Variants in PACRG observed in about 807,000 individuals in gnomAD.
PACRG encodes the protein parkin coregulated, also known as parkin coregulated gene protein.
PACRG carries 29 observed loss-of-function variants against 29.7 expected under a neutral mutation model. The ratio of observed to expected loss-of-function variants is 0.98; its 90% CI spans 0.73 to 1.33. The LOEUF (loss-of-function observed/expected upper bound fraction) is 1.33. Ranked by LOEUF, PACRG falls within the 40% of genes most tolerant of loss-of-function variation. PACRG has a pLI of 0.00. For synonymous variants in PACRG, 116 were observed against 118.7 expected, an observed-to-expected ratio of 0.98 and a Z score of 0.15; for missense variants, 279 against 316.2, an observed-to-expected ratio of 0.88 and a Z score of 0.89.
intron 1 of PACRG, among the ~76,000 whole-genome samples, chr6:162,796,141 A>T (rs1389225479): frequency 6.6e-6 from 1 of 152,174 alleles, no homozygotes; most frequent in Admixed American, 6.5e-5. Context: ...AATAGAGGAC[A>T]TCCATATCTT....
Position 163,156,234 on chromosome 6 carries a change from T to A in PACRG, c.613+66826T>A, listed in dbSNP as rs539074749. Among the ~76,000 whole-genome samples, 5 of 152,348 alleles carry A rather than the reference T, an allele frequency of 3.3e-5. No individual in the cohort carries two copies. The South Asian group carries it at 1.0e-3, about 32-fold the overall frequency. ...CATGACTCCGAAATTTCAGTTTGCCTGAGCCACAGACGTATATATTGAATT... is the reference window on the plus strand; with the variant it reads ...CATGACTCCGAAATTTCAGTTTGCCAGAGCCACAGACGTATATATTGAATT... On this transcript the variant is annotated intron_variant, in intron 4 of 4. Coordinates refer to ENST00000366888, the MANE Select transcript of PACRG (RefSeq NM_001080379.2).
intron 1 of PACRG, among the ~76,000 whole-genome samples, chr6:162,763,820 A>G (rs1782567535): frequency 6.6e-6 from 1 of 152,186 alleles, no homozygotes; most frequent in African/African-American, 2.4e-5. Context: ...TCAGTCGGCC[A>G]TGTTTCTTCC....
intron 4 of PACRG, among the ~76,000 whole-genome samples, chr6:163,290,269 C>CGCGT (rs1554242235): frequency 6.1e-5 from 6 of 98,248 alleles, no homozygotes; most frequent in African/African-American, 9.0e-5. Flanking sequence ...CGCATGCACG[C>CGCGT]GCGCGCGCGC....
chr6:163,138,715 C>G (rs539871839), intron 4 of PACRG, among the ~76,000 whole-genome samples: 1 of 152,334 alleles, frequency 6.6e-6, no homozygotes, highest in South Asian at 2.1e-4. Context: ...TGGACCTGTA[C>G]CACTCTGTGA....
intron 4 of PACRG, among the ~76,000 whole-genome samples, chr6:163,237,550 G>A (rs1374111310): frequency 6.6e-6 from 1 of 152,088 alleles, no homozygotes; most frequent in Non-Finnish European, 1.5e-5. Context: ...TAAGGCCAAC[G>A]GTAACATTAT....
intron 4 of PACRG, among the ~76,000 whole-genome samples, chr6:163,244,317 G>A (rs907922635): frequency 3.3e-5 from 5 of 151,990 alleles, no homozygotes; most frequent in Non-Finnish European, 7.4e-5. Flanking sequence ...GTTTCCGTGT[G>A]AGCTTCATCG....
At chr6:163,079,661 T>A (rs1418773016) in intron 3 of PACRG, among the ~76,000 whole-genome samples, 2 of 152,088 alleles carry the variant, frequency 1.3e-5, no homozygotes. Flanking sequence ...TAATCAGTCC[T>A]AGAATCACAG....
intron 2 of PACRG, among the ~76,000 whole-genome samples, chr6:163,022,290 A>G (rs1489769392): frequency 6.6e-6 from 1 of 152,258 alleles, no homozygotes; most frequent in Non-Finnish European, 1.5e-5. Context: ...CTGTACTCTA[A>G]AAACAGCTAA....
intron 1 of PACRG, among the ~76,000 whole-genome samples, chr6:162,775,408 C>A (rs912882931): frequency 5.9e-5 from 9 of 152,088 alleles, no homozygotes; most frequent in Non-Finnish European, 1.0e-4. Flanking sequence ...AAGATAATTG[C>A]GTAAGTGTTA....
At chr6:162,814,350 C>G in intron 2 of PACRG, 69 bp downstream of exon 2, 3 of 1,551,774 alleles carry the variant, frequency 1.9e-6, no homozygotes, top group Non-Finnish European at 2.6e-6. Flanking sequence ...GCCAAACACA[C>G]TTGGCTGCTT....
rs925663285 is a variant in PACRG at position 162,981,305 on chromosome 6, A to ATATATATATATATTTTTTTTTT, written c.292-80844_292-80843insATATATATATATTTTTTTTTTT. On this transcript the variant is annotated intron_variant, in intron 2 of 4. Transcript: ENST00000366888. ...ATGTATAAAACATATATATATATATATTTACAATGGCAAAAATATAGAACC... is the reference window on the plus strand; with the variant it reads ...ATGTATAAAACATATATATATATATATATATATATATATTTTTTTTTTTTTACAATGGCAAAAATATAGAACC... 7.4e-3 allele frequency among the ~76,000 whole-genome samples: 1,110 copies of ATATATATATATATTTTTTTTTT among 149,092 alleles called. 9 individuals carry two copies. The highest frequency in any genetic ancestry group is 0.011 in the Middle Eastern group (3 of 280).
intron 2 of PACRG, among the ~76,000 whole-genome samples, chr6:162,932,462 T>G (rs1797924446): frequency 6.6e-6 from 1 of 151,984 alleles, no homozygotes; most frequent in Admixed American, 6.6e-5. Context: ...GTATAATTGG[T>G]TTTAGTTCTT....
chr6:162,789,556 G>A (rs1357384543), intron 1 of PACRG, among the ~76,000 whole-genome samples: 1 of 152,086 alleles, frequency 6.6e-6, no homozygotes, highest in Non-Finnish European at 1.5e-5. Context: ...TCTTTACAGA[G>A]ATGAAAAGGA....
chr6:162,935,572 T>C (rs1798176959), intron 2 of PACRG, among the ~76,000 whole-genome samples: 1 of 152,004 alleles, frequency 6.6e-6, no homozygotes, highest in East Asian at 1.9e-4. Context: ...CTATTTCTTT[T>C]TTAAAATTTC....
At chr6:163,175,629 G>A (rs537550713) in intron 4 of PACRG, among the ~76,000 whole-genome samples, 55 of 152,148 alleles carry the variant, frequency 3.6e-4, no homozygotes, top group Non-Finnish European at 5.9e-5. Flanking sequence ...GGGGAGGGAC[G>A]GAATGTCGGG....
chr6:163,261,586 T>C (rs1246250141), intron 4 of PACRG, among the ~76,000 whole-genome samples: 1 of 152,236 alleles, frequency 6.6e-6, no homozygotes, highest in Non-Finnish European at 1.5e-5. Flanking sequence ...GTGCTTATGC[T>C]GTGCTGAGCC....
intron 4 of PACRG, among the ~76,000 whole-genome samples, chr6:163,119,969 TG>T (rs1816193129): frequency 6.6e-6 from 1 of 152,204 alleles, no homozygotes; most frequent in Non-Finnish European, 1.5e-5. Context: ...TCATCATTTC[TG>T]GTGTCGGTTC....
At chr6:163,194,855 T>C (rs561477257) in intron 4 of PACRG, among the ~76,000 whole-genome samples, 206 of 152,012 alleles carry the variant, frequency 1.4e-3, no homozygotes, top group African/African-American at 4.7e-3. Context: ...TTCCCTCTGC[T>C]CTTCTCCCTT....
intron 4 of PACRG, among the ~76,000 whole-genome samples, chr6:163,156,944 T>C (rs1778347260): frequency 6.6e-6 from 1 of 152,154 alleles, no homozygotes; most frequent in South Asian, 2.1e-4. Flanking sequence ...TCCAAAAGGA[T>C]CTCCCTATCT....
Sources: allele counts gnomAD v4.1 joint callset (sites outside exome capture counted in the v4.1 genomes callset), GRCh38; gene constraint gnomAD v4.1.1; transcripts MANE v1.5; gene names NCBI Gene and HGNC (gene_info 2026-07-23, HGNC 2026-07-21).